Variants in GPR161 observed in about 807,000 individuals in gnomAD.
The protein encoded by GPR161 is G-protein coupled receptor RE2.
Under a neutral mutation model 39.2 loss-of-function variants are expected in GPR161, and 25 were observed. The ratio of observed to expected loss-of-function variants is 0.64; its 90% confidence interval spans 0.47 to 0.89. The LOEUF (loss-of-function observed/expected upper bound fraction) is 0.89. Ranked by LOEUF, GPR161 falls within the 40% of genes least tolerant of loss-of-function variation. The pLI is 0.00. For missense variants in GPR161, 547 were observed against 677.8 expected, an observed-to-expected ratio of 0.81 and a Z score of 2.14; for synonymous variants, 286 against 276.6, an observed-to-expected ratio of 1.03 and a Z score of -0.34.
At chr1:168,134,984 C>T in intron 1 of GPR161, 1 of 1,535,316 alleles carries the variant, frequency 6.5e-7, no homozygotes, top group South Asian at 1.2e-5. Context: ...AGCTCGCAGC[C>T]CTCTGACCAC....
chr1:168,137,002 G>A (rs1355733483), upstream of GPR161: 9 of 613,624 alleles, frequency 1.5e-5, no homozygotes, highest in African/African-American at 7.9e-5. Context: ...CCGGAGCCCC[G>A]AGCCGCCTCC....
intron 1 of GPR161, among the ~76,000 whole-genome samples, chr1:168,126,807 G>A (rs918972564): frequency 1.3e-5 from 2 of 152,172 alleles, no homozygotes; most frequent in Admixed American, 6.5e-5. Context: ...GAAAGCTTAT[G>A]AATGCTTCCT....
chr1:168,095,421 T>C (rs1044384695), intron 3 of GPR161, among the ~76,000 whole-genome samples: 14 of 152,262 alleles, frequency 9.2e-5, no homozygotes, highest in African/African-American at 3.1e-4. Flanking sequence ...GTGGGAATTC[T>C]CTGTATTGTT....
rs1695616375 is a variant in GPR161 at position 168,097,004 on chromosome 1, A to G, written c.603T>C (p.Phe201=). The change falls in exon 3 of 6, where the codon TTT becomes TTC. Residue 201 remains phenylalanine (F), a synonymous_variant. Coordinates refer to ENST00000682931, the MANE Select transcript of GPR161 (RefSeq NM_001375883.1). ...AGCCATAGCACACCAGCATGACCAG[A>G]AAGGGGAAGAGGGCACACCAGATCT... The part of the protein sequence containing the change: ...FWQIWCALFP[F]LVMLVCYGFI... 2 of 1,614,002 alleles carry G rather than the reference A, an allele frequency of 1.2e-6. No homozygotes were observed. The highest frequency in any genetic ancestry group is 2.2e-5 in the South Asian group (2 of 91,082).
At chr1:168,119,026 G>A (rs1697871385) in intron 1 of GPR161, among the ~76,000 whole-genome samples, 1 of 151,404 alleles carries the variant, frequency 6.6e-6, no homozygotes, top group South Asian at 2.1e-4. Flanking sequence ...AGAATAGTAT[G>A]GCAGTTCCTC....
rs1323099593 is a variant in GPR161, at chr1:168,085,135, G to A, written c.*396C>T. On this transcript the variant is annotated 3_prime_UTR_variant, in exon 6 of 6. Coordinates refer to ENST00000682931, the MANE Select transcript of GPR161 (RefSeq NM_001375883.1). ...TCCTGAGGCATCTGGCACAGTGCAC[G>A]GCTGGACTCCCAGCACACTGTGAAG... 8.7e-6 allele frequency: 4 copies of A among 459,382 alleles called. No homozygotes were observed. Among genetic ancestry groups the A allele is most frequent in the East Asian group, 6.8e-5 (1 of 14,708 alleles). The allele number at this position is 459,382 out of a possible 1,614,324, so 28.5% of individuals were successfully genotyped here. A position where few individuals can be genotyped will look rare whatever the true frequency, so the allele number is the denominator to read the frequency against.
In GPR161 at chr1:168,097,241, G is replaced by A. The variant is rs755746256; in HGVS notation, c.375-9C>T. ...ACAGGACAGCATAGTAGCTAGAAAA[G>A]GGATGGAGGGAGGCAAGAGAGAGAA... On this transcript the variant is annotated splice_polypyrimidine_tract_variant and intron_variant, in intron 2 of 5. Coordinates refer to ENST00000682931, the MANE Select transcript of GPR161 (RefSeq NM_001375883.1). 2 of 1,597,298 alleles carry A rather than the reference G, an allele frequency of 1.3e-6. No individual in the cohort carries two copies. The highest frequency in any genetic ancestry group is 1.7e-5 in the Admixed American group (1 of 59,272).
In GPR161 at chr1:168,082,242, TAAGATC is replaced by T. The variant is rs958573152; in HGVS notation, c.*3283_*3288del. On this transcript the variant is annotated 3_prime_UTR_variant, in exon 6 of 6. Transcript: ENST00000682931. ...GCTTCTCCAGGAGCAGTGATCTACCTAAGATCACTCAGTGGCAATACCTGTGAACCT... is the reference window on the plus strand; with the variant it reads ...GCTTCTCCAGGAGCAGTGATCTACCTACTCAGTGGCAATACCTGTGAACCT... 6.6e-6 allele frequency: 1 copy of T among 152,194 alleles called. No individual in the cohort carries two copies. The highest frequency in any genetic ancestry group is 1.5e-5 in the Non-Finnish European group (1 of 68,058). The allele number at this position is 152,194 out of a possible 1,614,324, so 9.4% of individuals were successfully genotyped here.
intron 1 of GPR161, among the ~76,000 whole-genome samples, chr1:168,133,597 A>G (rs1471840570): frequency 6.6e-6 from 1 of 152,164 alleles, no homozygotes; most frequent in Non-Finnish European, 1.5e-5. Flanking sequence ...AGAAAAGTAA[A>G]CCACAGAGCA....
intron 2 of GPR161, among the ~76,000 whole-genome samples, chr1:168,103,889 C>T (rs966812952): frequency 6.6e-6 from 1 of 152,252 alleles, no homozygotes; most frequent in Non-Finnish European, 1.5e-5. Flanking sequence ...GAAGAACCCG[C>T]GAGATGCTGC....
chr1:168,081,937 G>A lies in GPR161; in HGVS notation c.*3594C>T, dbSNP rs1305106135. On this transcript the variant is annotated 3_prime_UTR_variant, in exon 6 of 6. Transcript: ENST00000682931. ...TGAACACATGTTGTGAATGTATCTT[G>A]TGGTCCATCCAGAGACATGTCTAAT... 1 of 152,234 alleles carries A rather than the reference G, an allele frequency of 6.6e-6. No homozygotes were observed. Among genetic ancestry groups the A allele is most frequent in the Admixed American group, 6.5e-5 (1 of 15,290 alleles). The allele number at this position is 152,234 out of a possible 1,614,324, so 9.4% of individuals were successfully genotyped here.
intron 4 of GPR161, 199 bp downstream of exon 4, chr1:168,090,365 G>C: frequency 2.0e-6 from 1 of 498,418 alleles, no homozygotes; most frequent in Non-Finnish European, 3.6e-6. Context: ...CCATTTTGTA[G>C]AGGAAGAAAC....
upstream of GPR161, chr1:168,137,160 C>T (rs1699455760): frequency 1.8e-5 from 25 of 1,393,282 alleles, no homozygotes; most frequent in Non-Finnish European, 2.2e-5. Context: ...TTGTCTCGCC[C>T]TTACCCTCTC....
At chr1:168,130,042 C>T (rs1271900999) in intron 1 of GPR161, among the ~76,000 whole-genome samples, 3 of 152,178 alleles carry the variant, frequency 2.0e-5, no homozygotes, top group Non-Finnish European at 4.4e-5. Flanking sequence ...TCCCTGAGCT[C>T]CTCTCTCCTG....
Position 168,090,677 on chromosome 1 carries a change from C to T in GPR161, c.1100-9G>A. ...TGGGGACAGGCCCAGGTCTGAAAGA[C>T]AAAATTGGCATTGACAACACAATCA... On this transcript the variant is annotated splice_polypyrimidine_tract_variant and intron_variant, in intron 3 of 5. Transcript: ENST00000682931. The T allele has an allele frequency of 1.3e-6, 2 of 1,546,838 alleles. No homozygotes were observed. Among genetic ancestry groups the T allele is most frequent in the Non-Finnish European group, 1.8e-6 (2 of 1,123,944 alleles).
chr1:168,085,033 A>G lies in GPR161; in HGVS notation c.*498T>C, dbSNP rs931790003. 2.2e-6 allele frequency: 1 copy of G among 456,282 alleles called. No homozygotes were observed. Among genetic ancestry groups the G allele is most frequent in the Non-Finnish European group, 4.4e-6 (1 of 227,060 alleles). 28.3% of individuals were successfully genotyped at this position (456,282 alleles called of 1,614,324 possible). ...CCCACACTGCCCGCATCAACCATGT[A>G]GAGGCACCAGGACGGTCGCGTGTCA... On this transcript the variant is annotated 3_prime_UTR_variant, in exon 6 of 6. Transcript: ENST00000682931.
Position 168,085,598 on chromosome 1 carries a change from A to G in GPR161, c.1523T>C (p.Leu508Pro). Residue 508 changes from leucine to proline, a missense_variant, in exon 6 of 6, where the codon CTT becomes CCT. Physicochemically the swap from Leu to Pro is moderately conservative, Grantham distance 98. Coordinates refer to ENST00000682931, the MANE Select transcript of GPR161 (RefSeq NM_001375883.1). The part of the protein sequence containing the change: ...GFGGRRGSRT[L>P]VSQRLQLQSI... ...CTGCAACTGCAGCCTCTGGCTCACA[A>G]GAGTTCTGCTGCCTCGGCGGCCCCC... 3 of 1,614,068 alleles carry G rather than the reference A, an allele frequency of 1.9e-6. No homozygotes were observed. The highest frequency in any genetic ancestry group is 1.7e-6 in the Non-Finnish European group (2 of 1,179,976).
chr1:168,090,529 C>G, intron 4 of GPR161, 35 bp downstream of exon 4: 1 of 1,250,200 alleles, frequency 8.0e-7, no homozygotes, highest in Non-Finnish European at 1.2e-6. Context: ...AGGGAAAACG[C>G]GACAGGTGAG....
chr1:168,110,457 C>A (rs1697019042), intron 1 of GPR161, among the ~76,000 whole-genome samples: 1 of 144,520 alleles, frequency 6.9e-6, no homozygotes, highest in Non-Finnish European at 1.5e-5. Context: ...CGTGATCACA[C>A]CACTGCACTC....
Sources: allele counts gnomAD v4.1 joint callset (sites outside exome capture counted in the v4.1 genomes callset), GRCh38; gene constraint gnomAD v4.1.1; transcripts MANE v1.5; gene names NCBI Gene and HGNC (gene_info 2026-07-23, HGNC 2026-07-21).